The following RIMS1 variants were observed in gnomAD, a reference collection of about 807,000 sequenced individuals.
The protein encoded by RIMS1 is regulating synaptic membrane exocytosis 1.
A neutral mutation model predicts 214.1 loss-of-function variants in RIMS1; 83 were observed. The observed-to-expected ratio is 0.39, with a 90% CI of 0.32 to 0.47. The LOEUF is 0.47. Among genes scored for constraint, RIMS1 ranks in the 20% least tolerant of loss-of-function variants. The pLI, the probability that RIMS1 is intolerant of heterozygous loss-of-function variation, is 0.99. For synonymous variants in RIMS1, 793 were observed against 786.8 expected (o/e 1.01, Z -0.13); for missense variants, 2,050 against 2,161.8 (o/e 0.95, Z 1.03).
chr6:72,224,441 G>C (rs996924450), intron 6 of RIMS1, among the ~76,000 whole-genome samples: 1 of 152,142 alleles, frequency 6.6e-6, no homozygotes, highest in Non-Finnish European at 1.5e-5. Flanking sequence ...AGTAAATCTG[G>C]GAATTGGATT....
intron 4 of RIMS1, among the ~76,000 whole-genome samples, chr6:72,152,719 AAT>A (rs10679501): frequency 2.6e-5 from 3 of 116,154 alleles, no homozygotes; most frequent in East Asian, 2.4e-4. Context: ...TATATATGTG[AAT>A]ATATATATAT....
chr6:72,234,684 T>G (rs974706637), intron 7 of RIMS1, among the ~76,000 whole-genome samples: 1 of 152,014 alleles, frequency 6.6e-6, no homozygotes, highest in Admixed American at 6.6e-5. Flanking sequence ...CAGAATAGTT[T>G]CACTGATCTA....
At chr6:72,114,932 A>G (rs1023383071) in intron 4 of RIMS1, among the ~76,000 whole-genome samples, 1 of 151,924 alleles carries the variant, frequency 6.6e-6, no homozygotes, top group Non-Finnish European at 1.5e-5. Context: ...AAGTTCTAGA[A>G]GATACTTGAG....
At chr6:72,345,257 A>G (rs185718122) in intron 29 of RIMS1, among the ~76,000 whole-genome samples, 17 of 151,478 alleles carry the variant, frequency 1.1e-4, no homozygotes, top group South Asian at 6.2e-4. Flanking sequence ...GATATATAAA[A>G]CTCCTGTGGT....
At chr6:72,016,017 G>A (rs929111495) in intron 2 of RIMS1, among the ~76,000 whole-genome samples, 5 of 152,106 alleles carry the variant, frequency 3.3e-5, no homozygotes, top group African/African-American at 1.2e-4. Context: ...TTTTATTATG[G>A]AAGATTTGGG....
chr6:72,272,657 A>G (rs893901427), intron 22 of RIMS1, among the ~76,000 whole-genome samples: 1 of 152,136 alleles, frequency 6.6e-6, no homozygotes, highest in Admixed American at 6.5e-5. Context: ...TTATGTTTAA[A>G]TAAGCACAAG....
chr6:72,151,186 G>A (rs1192663464), intron 4 of RIMS1, among the ~76,000 whole-genome samples: 2 of 152,074 alleles, frequency 1.3e-5, no homozygotes, highest in Non-Finnish European at 1.5e-5. Flanking sequence ...GGGACTACAG[G>A]CTCCCGCCAC....
chr6:71,971,209 G>A (rs1795768971), intron 2 of RIMS1, among the ~76,000 whole-genome samples: 1 of 152,100 alleles, frequency 6.6e-6, no homozygotes, highest in African/African-American at 2.4e-5. Context: ...CTTTATCAGT[G>A]GATGTGTGTG....
intron 2 of RIMS1, among the ~76,000 whole-genome samples, chr6:72,023,536 A>G (rs752520207): frequency 6.6e-6 from 1 of 152,004 alleles, no homozygotes; most frequent in Non-Finnish European, 1.5e-5. Flanking sequence ...TTTTCTAGTC[A>G]ATGTTTAAAA....
chr6:72,113,308 T>C (rs746663706), intron 4 of RIMS1, among the ~76,000 whole-genome samples: 2 of 152,196 alleles, frequency 1.3e-5, no homozygotes, highest in African/African-American at 2.4e-5. Context: ...TTCTCGTCTG[T>C]ATGACTTCCA....
At chr6:71,975,494 A>G (rs1796904093) in intron 2 of RIMS1, among the ~76,000 whole-genome samples, 1 of 152,162 alleles carries the variant, frequency 6.6e-6, no homozygotes, top group Admixed American at 6.6e-5. Context: ...TCAGGAGTAA[A>G]TTGAATCATG....
In RIMS1 at chr6:72,172,028, C is replaced by A. The variant is rs540845131; in HGVS notation, c.472-7547C>A. Among the ~76,000 whole-genome samples, 23 of 151,460 alleles carry A rather than the reference C, an allele frequency of 1.5e-4. 1 individual carries two copies. The East Asian group carries it at 2.3e-3, about 15-fold the overall frequency. ...CCATCTTTATGATAACAGAAAAAAACCAATATGGCAAGCAACAAAATTAAT... is the reference window on the plus strand; with the variant it reads ...CCATCTTTATGATAACAGAAAAAAAACAATATGGCAAGCAACAAAATTAAT... On this transcript the variant is annotated intron_variant, in intron 4 of 33. Coordinates refer to ENST00000521978, the MANE Select transcript of RIMS1 (RefSeq NM_014989.7).
In RIMS1 at chr6:72,322,579, A is replaced by C. The variant is rs1446078691; in HGVS notation, c.4130+8907A>C. 3.9e-5 allele frequency among the ~76,000 whole-genome samples: 6 copies of C among 152,066 alleles called. No individual in the cohort carries two copies. The East Asian group carries it at 1.2e-3, about 29-fold the overall frequency. ...AAAACTATAAAAGCTGAACAAGAAC[A>C]AATAATGAACAAGAACAAATAATGA... On this transcript the variant is annotated intron_variant, in intron 28 of 33. Transcript: ENST00000521978.
intron 29 of RIMS1, among the ~76,000 whole-genome samples, chr6:72,355,315 A>G (rs1217838542): frequency 6.6e-6 from 1 of 152,154 alleles, no homozygotes; most frequent in Non-Finnish European, 1.5e-5. Context: ...ATACCCTTAA[A>G]AAATAGTTTA....
At chr6:72,385,703 C>T (rs1165277858) in intron 29 of RIMS1, among the ~76,000 whole-genome samples, 2 of 152,216 alleles carry the variant, frequency 1.3e-5, no homozygotes, top group Non-Finnish European at 2.9e-5. Flanking sequence ...CTGGAAAAGA[C>T]TGGACCCAGA....
intron 5 of RIMS1, among the ~76,000 whole-genome samples, chr6:72,181,654 A>G (rs1354884971): frequency 6.6e-6 from 1 of 152,230 alleles, no homozygotes; most frequent in African/African-American, 2.4e-5. Flanking sequence ...CAGGAAAGCA[A>G]TGAGGAATTG....
chr6:71,887,107 G>C lies in RIMS1; in HGVS notation c.84G>C (p.Leu28=), dbSNP rs775407531. ...PMQELPDLSH[L]TEEERNIIMA... is the part of the protein sequence containing the mutation. Reference sequence around the variant, plus strand: ...AAGAGCTGCCCGACCTGAGCCACCTGACCGAAGAGGAGAGGAACATTATCA... The same window carrying C: ...AAGAGCTGCCCGACCTGAGCCACCTCACCGAAGAGGAGAGGAACATTATCA... The change falls in exon 1 of 34, where the codon CTG becomes CTC. Residue 28 remains leucine (L), a synonymous_variant. Coordinates refer to ENST00000521978, the MANE Select transcript of RIMS1 (RefSeq NM_014989.7). The C allele has an allele frequency of 6.2e-7, 1 of 1,613,606 alleles. No individual in the cohort carries two copies. The highest frequency in any genetic ancestry group is 8.5e-7 in the Non-Finnish European group (1 of 1,179,732).
At chr6:72,105,021 C>T (rs1270067169) in intron 4 of RIMS1, among the ~76,000 whole-genome samples, 1 of 152,124 alleles carries the variant, frequency 6.6e-6, no homozygotes, top group East Asian at 1.9e-4. Flanking sequence ...ACCTAAACCT[C>T]CCAGGCTCAA....
At chr6:72,316,683 A>G (rs558673012) in intron 28 of RIMS1, 3 of 600,454 alleles carry the variant, frequency 5.0e-6, no homozygotes, top group Admixed American at 2.1e-5. Context: ...AGATGCTTTT[A>G]TTGGGTGGCA....
Sources: gnomAD v4.1 joint callset for allele counts (sites outside exome capture counted in the v4.1 genomes callset) on GRCh38, gnomAD v4.1.1 for gene constraint, MANE v1.5 for transcripts, NCBI Gene and HGNC (gene_info 2026-07-23, HGNC 2026-07-21) for gene names.